The following CSMD1 variants were observed in gnomAD, a reference collection of about 807,000 sequenced individuals.
CSMD1 encodes the protein CUB and sushi domain-containing protein 1.
In CSMD1, 213 loss-of-function variants were observed where a neutral mutation model predicts 417.5. That is an observed-to-expected ratio of 0.51 (90% CI 0.46 to 0.57). The LOEUF (loss-of-function observed/expected upper bound fraction) is 0.57. Among genes scored for constraint, CSMD1 ranks in the 20% least tolerant of loss-of-function variants. CSMD1 has a pLI of 0.00. For missense variants in CSMD1, 6,923 were observed against 4,529.7 expected, an observed-to-expected ratio of 1.53 and a Z score of -15.17; for synonymous variants, 2,862 against 1,736.8, an observed-to-expected ratio of 1.65 and a Z score of -16.11.
At chr8:3,486,060 T>A (rs1004011852) in intron 11 of CSMD1, among the ~76,000 whole-genome samples, 1 of 152,158 alleles carries the variant, frequency 6.6e-6, no homozygotes, top group Non-Finnish European at 1.5e-5. Flanking sequence ...AGAAATGATA[T>A]CTTTGTCACA....
intron 5 of CSMD1, among the ~76,000 whole-genome samples, chr8:3,769,597 G>A (rs1047080378): frequency 1.8e-4 from 28 of 152,000 alleles, no homozygotes; most frequent in Admixed American, 1.6e-3. Flanking sequence ...AGATATAAAA[G>A]TGAAGTATCT....
At chr8:3,803,640 G>C (rs1039726135) in intron 5 of CSMD1, among the ~76,000 whole-genome samples, 5 of 152,274 alleles carry the variant, frequency 3.3e-5, no homozygotes, top group Middle Eastern at 3.4e-3. Context: ...AGCCTGGAAG[G>C]AGAGGAGGGT....
chr8:3,530,202 A>G, intron 10 of CSMD1, among the ~76,000 whole-genome samples: 1 of 152,258 alleles, frequency 6.6e-6, no homozygotes, highest in Non-Finnish European at 1.5e-5. Flanking sequence ...TCTTTCTGCA[A>G]GCTTCAGATT....
At chr8:3,915,420 A>AAAACAAACAAAC (rs1554484724) in intron 5 of CSMD1, among the ~76,000 whole-genome samples, 5 of 150,198 alleles carry the variant, frequency 3.3e-5, no homozygotes, top group African/African-American at 1.2e-4. Context: ...AAAAAAAAAA[A>AAAACAAACAAAC]AAAAAAAAGA....
chr8:4,176,557 A>G (rs147927718), intron 3 of CSMD1, among the ~76,000 whole-genome samples: 1 of 152,050 alleles, frequency 6.6e-6, no homozygotes, highest in Non-Finnish European at 1.5e-5. Flanking sequence ...AATATACCCC[A>G]TTTTGGCAGT....
At chr8:3,425,579 T>C (rs117309345) in intron 12 of CSMD1, among the ~76,000 whole-genome samples, 4,896 of 129,214 alleles carry the variant, frequency 0.038, 155 homozygotes, top group East Asian at 0.099. Context: ...GAGAGCAAGA[T>C]TCGGTCTCAA....
At chr8:3,761,226 C>T (rs1008009546) in intron 5 of CSMD1, among the ~76,000 whole-genome samples, 4 of 151,944 alleles carry the variant, frequency 2.6e-5, no homozygotes, top group South Asian at 4.1e-4. Context: ...ACATGAAAAA[C>T]AGTTAAAAGA....
chr8:4,146,632 G>A (rs1647364), intron 3 of CSMD1, among the ~76,000 whole-genome samples: 2 of 44,918 alleles, frequency 4.5e-5, no homozygotes, highest in African/African-American at 1.3e-4. Context: ...TTTTTTTTGA[G>A]ACAGAGTCTC....
chr8:4,022,439 G>C (rs1796836730), intron 4 of CSMD1, among the ~76,000 whole-genome samples: 1 of 152,056 alleles, frequency 6.6e-6, no homozygotes, highest in Non-Finnish European at 1.5e-5. Flanking sequence ...ACATCCATGG[G>C]CGTGGATGCA....
chr8:4,934,855 A>C (rs1049914571), intron 1 of CSMD1, among the ~76,000 whole-genome samples: 1 of 152,122 alleles, frequency 6.6e-6, no homozygotes, highest in African/African-American at 2.4e-5. Context: ...TCAATCAATC[A>C]TCTAACTATA....
intron 1 of CSMD1, among the ~76,000 whole-genome samples, chr8:4,733,747 C>T (rs1810048009): frequency 1.3e-5 from 2 of 152,160 alleles, no homozygotes; most frequent in Non-Finnish European, 2.9e-5. Flanking sequence ...GAAAGTAAAA[C>T]TGGTAAACAA....
intron 48 of CSMD1, among the ~76,000 whole-genome samples, chr8:3,089,059 A>G (rs1285730877): frequency 6.6e-6 from 1 of 152,160 alleles, no homozygotes; most frequent in Non-Finnish European, 1.5e-5. Context: ...CACTTAGGAT[A>G]AGACATGAAG....
intron 10 of CSMD1, among the ~76,000 whole-genome samples, chr8:3,536,119 T>C (rs961466898): frequency 6.6e-6 from 1 of 152,218 alleles, no homozygotes; most frequent in African/African-American, 2.4e-5. Context: ...GTTTTTATGA[T>C]ACCAAGCTGT....
At position 4,439,340 on chromosome 8, in the gene CSMD1, A is replaced by T. The variant is rs551959309; in HGVS notation, c.303-19275T>A. On this transcript the variant is annotated intron_variant, in intron 2 of 69. Transcript: ENST00000635120. ...TCAATACGTTAAATATAATTATTCA[A>T]AATTAAAGAAATTGTGAGATATTAC... Among the ~76,000 whole-genome samples, 245 of 152,278 alleles carry T rather than the reference A, an allele frequency of 1.6e-3. 1 individual carries two copies. Among genetic ancestry groups the T allele is most frequent in the African/African-American group, 5.5e-3 (229 of 41,574 alleles).
At chr8:3,112,353 T>C (rs1034363641) in intron 42 of CSMD1, among the ~76,000 whole-genome samples, 1 of 152,188 alleles carries the variant, frequency 6.6e-6, no homozygotes, top group Non-Finnish European at 1.5e-5. Context: ...TAGTTGAATC[T>C]TGTAGTTACA....
At chr8:4,147,438 C>T (rs1247315847) in intron 3 of CSMD1, among the ~76,000 whole-genome samples, 1 of 152,140 alleles carries the variant, frequency 6.6e-6, no homozygotes, top group Admixed American at 6.5e-5. Flanking sequence ...CACCTACCTT[C>T]TGGAAAGTCC....
At chr8:3,584,323 C>T (rs541851132) in intron 9 of CSMD1, among the ~76,000 whole-genome samples, 5 of 152,082 alleles carry the variant, frequency 3.3e-5, no homozygotes, top group Admixed American at 2.0e-4. Context: ...AAAACTAAAC[C>T]AAACACACCA....
chr8:3,570,398 C>T (rs1006973402), intron 10 of CSMD1, among the ~76,000 whole-genome samples: 1 of 151,966 alleles, frequency 6.6e-6, no homozygotes, highest in African/African-American at 2.4e-5. Flanking sequence ...GCATTTGACG[C>T]AATGGGATAT....
At chr8:3,977,276 G>A (rs952536330) in intron 5 of CSMD1, among the ~76,000 whole-genome samples, 7 of 152,076 alleles carry the variant, frequency 4.6e-5, no homozygotes, top group African/African-American at 1.7e-4. Context: ...ATGATCCAAG[G>A]AGATTGTGGG....
Sources: gnomAD v4.1 joint callset for allele counts (sites outside exome capture counted in the v4.1 genomes callset) on GRCh38, gnomAD v4.1.1 for gene constraint, MANE v1.5 for transcripts, NCBI Gene and HGNC (gene_info 2026-07-23, HGNC 2026-07-21) for gene names.